RAB38: variants seen among roughly 807,000 people sequenced by gnomAD.
RAB38 encodes the protein RAB38, member RAS oncogene family, also known as ras-related protein Rab-38.
A neutral mutation model predicts 18.4 loss-of-function variants in RAB38; 15 were observed. The ratio of observed to expected loss-of-function variants is 0.82; its 90% CI spans 0.55 to 1.26. RAB38 has a LOEUF of 1.26. Among genes scored for constraint, RAB38 ranks in the 50% most tolerant of loss-of-function variants. RAB38 has a pLI of 0.00. For missense variants in RAB38, 294 were observed against 267.4 expected (o/e 1.10, Z -0.69); for synonymous variants, 101 against 104.4 (o/e 0.97, Z 0.20).
At chr11:87,862,499 G>A in the RAB38 span, among the ~76,000 whole-genome samples, 2 of 151,884 alleles carry the variant, frequency 1.3e-5, no homozygotes, top group African/African-American at 4.8e-5. Flanking sequence ...CACACACTGG[G>A]GCCTATCAGA....
At chr11:87,860,133 A>G in the RAB38 span, among the ~76,000 whole-genome samples, 2 of 151,988 alleles carry the variant, frequency 1.3e-5, no homozygotes, top group African/African-American at 4.8e-5. Context: ...TAGATGCTTG[A>G]TGGGCCAGTG....
At chr11:87,978,201 G>A in the RAB38 span, among the ~76,000 whole-genome samples, 7 of 16 alleles carry the variant, frequency 0.44, no homozygotes, top group Non-Finnish European at 0.5. Flanking sequence ...ATATATAGGT[G>A]TNNNNNNNNN....
At chr11:87,808,149 A>T in the RAB38 span, among the ~76,000 whole-genome samples, 1 of 152,210 alleles carries the variant, frequency 6.6e-6, no homozygotes, top group Admixed American at 6.5e-5. Context: ...AAGTATGAAG[A>T]TTCCTAAAAA....
chr11:88,050,941 T>C, the RAB38 span, among the ~76,000 whole-genome samples: 1 of 152,134 alleles, frequency 6.6e-6, no homozygotes, highest in Non-Finnish European at 1.5e-5. Flanking sequence ...GGAGGTGCAG[T>C]TGTAGAAATA....
At chr11:88,094,171 G>A in the RAB38 span, among the ~76,000 whole-genome samples, 1 of 151,778 alleles carries the variant, frequency 6.6e-6, no homozygotes, top group East Asian at 1.9e-4. Flanking sequence ...AACATCAGTA[G>A]TAATCAGTGA....
the RAB38 span, among the ~76,000 whole-genome samples, chr11:88,045,828 G>A: frequency 5.3e-5 from 8 of 152,056 alleles, no homozygotes; most frequent in East Asian, 1.9e-4. Flanking sequence ...TAACTGTTGC[G>A]GGTATTGACG....
the RAB38 span, among the ~76,000 whole-genome samples, chr11:87,889,829 T>C: frequency 1.3e-5 from 2 of 151,932 alleles, no homozygotes; most frequent in African/African-American, 4.8e-5. Context: ...TGGTTTTTTT[T>C]TGTTGTTGTT....
chr11:88,019,488 C>G, the RAB38 span, among the ~76,000 whole-genome samples: 1 of 152,192 alleles, frequency 6.6e-6, no homozygotes, highest in South Asian at 2.1e-4. Flanking sequence ...CTGTTTCCAC[C>G]TTTTCTCCTT....
the RAB38 span, among the ~76,000 whole-genome samples, chr11:87,977,148 AGT>A: frequency 3.7e-4 from 4 of 10,940 alleles, 2 homozygotes; most frequent in Admixed American, 5.1e-3. Flanking sequence ...ATATTATACA[AGT>A]ATATTATAAA....
intron 2 of RAB38, among the ~76,000 whole-genome samples, chr11:88,148,524 T>C (rs912235657): frequency 5.9e-5 from 9 of 152,202 alleles, no homozygotes; most frequent in Admixed American, 2.6e-4. Context: ...CTTCTATAGT[T>C]TCTCCAAGGC....
the RAB38 span, among the ~76,000 whole-genome samples, chr11:87,940,348 CAGTG>C: frequency 6.6e-6 from 1 of 152,056 alleles, no homozygotes; most frequent in Admixed American, 6.6e-5. Context: ...TGCCCAGACA[CAGTG>C]AGATAATGAG....
chr11:88,023,610 A>G, the RAB38 span, among the ~76,000 whole-genome samples: 1 of 152,128 alleles, frequency 6.6e-6, no homozygotes, highest in Admixed American at 6.5e-5. Flanking sequence ...AAGCACAAAG[A>G]ACAAAACTGG....
the RAB38 span, among the ~76,000 whole-genome samples, chr11:87,893,390 A>ATATATATATATATATATTTTTTTTTT: frequency 2.1e-5 from 2 of 93,914 alleles, no homozygotes; most frequent in Non-Finnish European, 4.1e-5. Flanking sequence ...ATATATATAT[A>ATATATATATATATATATTTTTTTTTT]TTTTTTTTTT....
intron 2 of RAB38, among the ~76,000 whole-genome samples, chr11:88,148,675 C>A (rs557344710): frequency 2.0e-5 from 3 of 152,302 alleles, no homozygotes; most frequent in South Asian, 4.1e-4. Flanking sequence ...AAAGTGTGAA[C>A]TCCATAAGTA....
chr11:88,136,754 T>C (rs1942840959), intron 2 of RAB38, among the ~76,000 whole-genome samples: 1 of 152,224 alleles, frequency 6.6e-6, no homozygotes, highest in African/African-American at 2.4e-5. Flanking sequence ...ATAGTAGGGC[T>C]AATTAATTCC....
intron 2 of RAB38, among the ~76,000 whole-genome samples, chr11:88,145,614 T>C (rs1261197844): frequency 4.6e-5 from 7 of 151,908 alleles, no homozygotes; most frequent in Admixed American, 4.6e-4. Flanking sequence ...AAATGGGCCC[T>C]GAAGATATAC....
At chr11:88,028,311 A>T in the RAB38 span, among the ~76,000 whole-genome samples, 1 of 152,194 alleles carries the variant, frequency 6.6e-6, no homozygotes, top group African/African-American at 2.4e-5. Flanking sequence ...AAACTCTAAA[A>T]AGCAGAGCGC....
the RAB38 span, among the ~76,000 whole-genome samples, chr11:88,009,286 C>T: frequency 6.6e-6 from 1 of 152,134 alleles, no homozygotes; most frequent in African/African-American, 2.4e-5. Flanking sequence ...ATAATAGAGG[C>T]ACTGCTATTC....
At chr11:87,839,508 A>T in the RAB38 span, among the ~76,000 whole-genome samples, 2 of 152,212 alleles carry the variant, frequency 1.3e-5, no homozygotes, top group African/African-American at 4.8e-5. Flanking sequence ...GGATCAACAA[A>T]TCAATCAAGC....
Sources: allele counts gnomAD v4.1 joint callset (sites outside exome capture counted in the v4.1 genomes callset), GRCh38; gene constraint gnomAD v4.1.1; transcripts MANE v1.5; gene names NCBI Gene and HGNC (gene_info 2026-07-23, HGNC 2026-07-21).